The following YTHDF3 variants were observed in gnomAD, a reference collection of about 807,000 sequenced individuals.
YTHDF3 encodes YTH domain-containing family protein 3.
A neutral mutation model predicts 52.5 loss-of-function variants in YTHDF3; 9 were observed. The ratio of observed to expected loss-of-function variants is 0.17; its 90% CI spans 0.10 to 0.30. The LOEUF (loss-of-function observed/expected upper bound fraction) is 0.30. Among genes scored for constraint, YTHDF3 ranks in the 10% least tolerant of loss-of-function variants. YTHDF3 has a pLI of 1.00. For synonymous variants in YTHDF3, 274 were observed against 243.3 expected (o/e 1.13, Z -1.18); for missense variants, 534 against 715.0 (o/e 0.75, Z 2.89).
rs1277261201 is a variant in YTHDF3, at chr8:63,210,475, G to C, written c.*769G>C. The C allele has an allele frequency of 6.6e-6, 1 of 152,546 alleles. No homozygotes were observed. Among genetic ancestry groups the C allele is most frequent in the African/African-American group, 2.4e-5 (1 of 41,436 alleles). 9.4% of individuals were successfully genotyped at this position (152,546 alleles called of 1,614,324 possible). On this transcript the variant is annotated 3_prime_UTR_variant, in exon 5 of 5. Coordinates refer to ENST00000539294, the MANE Select transcript of YTHDF3 (RefSeq NM_152758.6). ...CACTTAATGAATCTCAAAATTTTGA[G>C]TAAATGTACCTCAGTCTAATCAGAC...
At position 63,187,337 on chromosome 8, in the gene YTHDF3, G is replaced by A; in HGVS notation, c.1326G>A (p.Glu442=). 2 of 1,614,076 alleles carry A rather than the reference G, an allele frequency of 1.2e-6. No homozygotes were observed. The highest frequency in any genetic ancestry group is 1.3e-5 in the African/African-American group (1 of 75,060). Residue 442 remains glutamate, a synonymous_variant, in exon 4 of 5, where the codon GAG becomes GAA. Coordinates refer to ENST00000539294, the MANE Select transcript of YTHDF3 (RefSeq NM_152758.6). The stretch of plus-strand genomic sequence containing the variant: ...AATACTCTATCTGGTGTAGTACTGA[G>A]CATGGTAATAAGCGTTTGGATGCAG... The part of the protein sequence containing the change: ...SIKYSIWCST[E]HGNKRLDAAY...
intron 4 of YTHDF3, among the ~76,000 whole-genome samples, chr8:63,202,916 G>T (rs937521345): frequency 6.6e-6 from 1 of 151,952 alleles, no homozygotes; most frequent in Non-Finnish European, 1.5e-5. Flanking sequence ...CTTGAAACAC[G>T]CACACGGTGT....
At chr8:63,192,330 C>T (rs1010859958) in intron 4 of YTHDF3, among the ~76,000 whole-genome samples, 11 of 152,268 alleles carry the variant, frequency 7.2e-5, no homozygotes, top group Admixed American at 2.0e-4. Context: ...CTCCCCACCC[C>T]GTTTCTTTCA....
At chr8:63,171,971 A>T (rs992849847) in intron 2 of YTHDF3, among the ~76,000 whole-genome samples, 1 of 152,200 alleles carries the variant, frequency 6.6e-6, no homozygotes, top group African/African-American at 2.4e-5. Flanking sequence ...TCATTACAGA[A>T]GCCAAAAGGA....
rs1202112010 is a variant in YTHDF3, at chr8:63,211,554, A to G, written c.*1848A>G. 2 of 152,566 alleles carry G rather than the reference A, an allele frequency of 1.3e-5. No homozygotes were observed. Among genetic ancestry groups the G allele is most frequent in the East Asian group, 1.9e-4 (1 of 5,196 alleles). The allele number at this position is 152,566 out of a possible 1,614,324, so 9.5% of individuals were successfully genotyped here. ...TGGAGGTCCTATTAGAGAATATTATAAAAGGGTGACCTTGTAGGAAGGATC... is the reference window on the plus strand; with the variant it reads ...TGGAGGTCCTATTAGAGAATATTATGAAAGGGTGACCTTGTAGGAAGGATC... On this transcript the variant is annotated 3_prime_UTR_variant, in exon 5 of 5. Transcript: ENST00000539294.
At chr8:63,175,806 A>G (rs1807648083) in intron 3 of YTHDF3, 1 of 154,486 alleles carries the variant, frequency 6.5e-6, no homozygotes, top group Non-Finnish European at 1.4e-5. Flanking sequence ...GGGATTAGTT[A>G]CCTGAAATTG....
At chr8:63,179,813 C>T (rs1188016609) in intron 3 of YTHDF3, among the ~76,000 whole-genome samples, 3 of 151,854 alleles carry the variant, frequency 2.0e-5, no homozygotes, top group African/African-American at 4.8e-5. Context: ...AGGTGCCCCT[C>T]ACCTCCCGGA....
In YTHDF3 at chr8:63,212,293, A is replaced by AT. The variant is rs1367645103; in HGVS notation, c.*2589dup. 3.9e-5 allele frequency: 6 copies of AT among 152,636 alleles called. No homozygotes were observed. The highest frequency in any genetic ancestry group is 1.4e-4 in the African/African-American group (6 of 41,452). The allele number at this position is 152,636 out of a possible 1,614,324, so 9.5% of individuals were successfully genotyped here. ...TCTCTATACGTATTGGTACTTGAAG[A>AT]TTCCTTTCAAAAGAAATCCAGCGTT... On this transcript the variant is annotated 3_prime_UTR_variant, in exon 5 of 5. Coordinates refer to ENST00000539294, the MANE Select transcript of YTHDF3 (RefSeq NM_152758.6).
chr8:63,197,544 G>A (rs936496564), intron 4 of YTHDF3, among the ~76,000 whole-genome samples: 1 of 152,116 alleles, frequency 6.6e-6, no homozygotes, highest in East Asian at 1.9e-4. Flanking sequence ...GGTACCTTAA[G>A]CATATTGTTT....
At chr8:63,207,681 G>A (rs1810120355) in intron 4 of YTHDF3, among the ~76,000 whole-genome samples, 2 of 152,066 alleles carry the variant, frequency 1.3e-5, no homozygotes, top group South Asian at 2.1e-4. Flanking sequence ...TGTTACAACC[G>A]ATCATCTCAC....
At position 63,192,994 on chromosome 8, in the gene YTHDF3, A is replaced by G. The variant is rs575294249; in HGVS notation, c.1734+5249A>G. Among the ~76,000 whole-genome samples the G allele has an allele frequency of 2.7e-4, 41 of 152,054 alleles. 1 individual carries two copies. The South Asian group carries it at 4.2e-3, about 15-fold the overall frequency. ...GTAAAGGTTGGGTTTCTTAAACTCA[A>G]CCTTGGGGGAGGCAGCACTAATTGC... On this transcript the variant is annotated intron_variant, in intron 4 of 4. Transcript: ENST00000539294.
intron 4 of YTHDF3, among the ~76,000 whole-genome samples, chr8:63,205,610 T>A (rs1401769779): frequency 1.3e-5 from 2 of 151,992 alleles, no homozygotes; most frequent in African/African-American, 4.8e-5. Context: ...ATTTTTGTAT[T>A]TTTAATAAAG....
At position 63,209,622 on chromosome 8, in the gene YTHDF3, T is replaced by G. The variant is rs1158364134; in HGVS notation, c.1735-61T>G. On this transcript the variant is annotated intron_variant, in intron 4 of 4. Coordinates refer to ENST00000539294, the MANE Select transcript of YTHDF3 (RefSeq NM_152758.6). ...TTATATGTGCATATAGTTTAAATCT[T>G]TAAATAATGAGAGTTTTTCATTGTA... The G allele has an allele frequency of 5.5e-6, 8 of 1,466,586 alleles. No individual in the cohort carries two copies. In the Admixed American group the frequency reaches 1.9e-4, roughly 34 times the overall value. The allele number at this position is 1,466,586 out of a possible 1,614,324, so 90.8% of individuals were successfully genotyped here. A position where few individuals can be genotyped will look rare whatever the true frequency, so the allele number is the denominator to read the frequency against.
At position 63,212,545 on chromosome 8, in the gene YTHDF3, A is replaced by G. The variant is rs1436992625; in HGVS notation, c.*2839A>G. On this transcript the variant is annotated 3_prime_UTR_variant, in exon 5 of 5. Coordinates refer to ENST00000539294, the MANE Select transcript of YTHDF3 (RefSeq NM_152758.6). ...GAATTGTGTTTTCATTAAGTTTTGCATATCTTTTGTTATGCCATGTAAATT... is the reference window on the plus strand; with the variant it reads ...GAATTGTGTTTTCATTAAGTTTTGCGTATCTTTTGTTATGCCATGTAAATT... 1 of 152,636 alleles carries G rather than the reference A, an allele frequency of 6.6e-6. No individual in the cohort carries two copies. Among genetic ancestry groups the G allele is most frequent in the Non-Finnish European group, 1.5e-5 (1 of 68,028 alleles). 9.5% of individuals were successfully genotyped at this position (152,636 alleles called of 1,614,324 possible). A position where few individuals can be genotyped will look rare whatever the true frequency, so the allele number is the denominator to read the frequency against.
chr8:63,194,804 A>G (rs1809132625), intron 4 of YTHDF3, among the ~76,000 whole-genome samples: 2 of 152,222 alleles, frequency 1.3e-5, no homozygotes, highest in Admixed American at 1.3e-4. Context: ...AATTTTGAAT[A>G]GTAAGTTTAG....
rs892636788 is a variant in YTHDF3 at position 63,169,233 on chromosome 8, G to A, written c.25-154G>A. 2.8e-5 allele frequency: 37 copies of A among 1,307,198 alleles called. 4 individuals are homozygous for A. In the South Asian group the frequency reaches 5.3e-4, roughly 19 times the overall value. 81.0% of individuals were successfully genotyped at this position (1,307,198 alleles called of 1,614,324 possible). ...GGTGGGAGGTTTAAAGGCTGGGGGT[G>A]GTTGGGAAATTGGTGGCTGTGGAGG... On this transcript the variant is annotated intron_variant, in intron 1 of 4. Transcript: ENST00000539294.
chr8:63,199,564 T>C (rs931375881), intron 4 of YTHDF3, among the ~76,000 whole-genome samples: 18 of 152,238 alleles, frequency 1.2e-4, no homozygotes, highest in African/African-American at 3.1e-4. Context: ...AAATATCTTA[T>C]GTTTCCAGAA....
Position 63,187,735 on chromosome 8 carries a change from C to A in YTHDF3, c.1724C>A (p.Ala575Asp). ...HYEKRQEEEE[A>D]MRRERNRNKQ is the part of the protein sequence containing the mutation. ...GAAAAGCGTCAAGAAGAGGAGGAAG[C>A]CATGCGTAGGGTAAGAATATAGTAA... The change falls in exon 4 of 5, where the codon GCC becomes GAC. Residue 575 changes from alanine (A) to aspartate (D), a missense_variant. Physicochemically the swap from Ala to Asp is moderately radical, Grantham distance 126. Coordinates refer to ENST00000539294, the MANE Select transcript of YTHDF3 (RefSeq NM_152758.6). 6.2e-7 allele frequency: 1 copy of A among 1,605,008 alleles called. No individual in the cohort carries two copies.
intron 4 of YTHDF3, among the ~76,000 whole-genome samples, chr8:63,195,725 T>C (rs1809187213): frequency 1.5e-5 from 2 of 133,034 alleles, no homozygotes; most frequent in South Asian, 4.6e-4. Flanking sequence ...TGAGACCATG[T>C]ATTTACGTGT....
Sources: allele counts gnomAD v4.1 joint callset (sites outside exome capture counted in the v4.1 genomes callset), GRCh38; gene constraint gnomAD v4.1.1; transcripts MANE v1.5; gene names NCBI Gene and HGNC (gene_info 2026-07-23, HGNC 2026-07-21).